Variants in ABLIM2 observed in about 807,000 individuals in gnomAD.
The protein encoded by ABLIM2 is actin binding LIM protein family member 2.
ABLIM2 carries 53 observed loss-of-function variants against 97.7 expected under a neutral mutation model. That is an observed-to-expected ratio of 0.54 (90% CI 0.44 to 0.68). The LOEUF (loss-of-function observed/expected upper bound fraction) is 0.68. Among genes scored for constraint, ABLIM2 ranks in the 30% least tolerant of loss-of-function variants. ABLIM2 has a pLI of 0.00. For synonymous variants in ABLIM2, 361 were observed against 345.8 expected (o/e 1.04, Z -0.49); for missense variants, 835 against 867.2 (o/e 0.96, Z 0.47).
chr4:8,039,186 C>T (rs375327732), intron 9 of ABLIM2, among the ~76,000 whole-genome samples: 1 of 152,206 alleles, frequency 6.6e-6, no homozygotes, highest in South Asian at 2.1e-4. Context: ...AAAAGCCAAT[C>T]AAGCATTTGC....
rs1049332079 is a variant in ABLIM2, at chr4:8,003,432, C to T, written c.1618+4627G>A. Among the ~76,000 whole-genome samples the T allele has an allele frequency of 1.2e-4, 19 of 152,152 alleles. No individual in the cohort carries two copies. Among genetic ancestry groups the T allele is most frequent in the African/African-American group, 4.3e-4 (18 of 41,428 alleles). ...TGGGTACTGAGGTTCGCTTTCTACC[C>T]AATATACATCGCTTTCACGCCAGCG... On this transcript the variant is annotated intron_variant, in intron 16 of 20. Coordinates refer to ENST00000447017, the MANE Select transcript of ABLIM2 (RefSeq NM_001130083.2). The surrounding 1 kb of genome is among the most constrained non-coding windows in gnomAD (Gnocchi z 4.2).
rs370613217 is a variant in ABLIM2, at chr4:8,071,021, G to T, written c.675+6607C>A. Among the ~76,000 whole-genome samples, 66 of 152,252 alleles carry T rather than the reference G, an allele frequency of 4.3e-4. No homozygotes were observed. The highest frequency in any genetic ancestry group is 1.4e-3 in the South Asian group (7 of 4,828). ...GTTGACAGGGCGAGGGAGGGATGGG[G>T]TTCCTGGAAGGTGGGGCTCTGAACA... On this transcript the variant is annotated intron_variant, in intron 6 of 20. Transcript: ENST00000447017. The surrounding 1 kb of genome is among the most constrained non-coding windows in gnomAD (Gnocchi z 6.2).
In ABLIM2 at chr4:8,149,825, C is replaced by T. The variant is rs1276022788; in HGVS notation, c.10+8855G>A. ...CCTCACACTCAGGACTGGCCCTGCG[C>T]CCAGACAGGACGGGGCCTATGGAGT... On this transcript the variant is annotated intron_variant, in intron 1 of 20. Coordinates refer to ENST00000447017, the MANE Select transcript of ABLIM2 (RefSeq NM_001130083.2). This position sits in a 1 kb window ranked among gnomAD's most constrained non-coding sequence, Gnocchi z 6.4. Among the ~76,000 whole-genome samples the T allele has an allele frequency of 8.5e-5, 13 of 152,058 alleles. No individual in the cohort carries two copies. The highest frequency in any genetic ancestry group is 1.8e-4 in the Non-Finnish European group (12 of 68,010).
chr4:8,132,863 G>A lies in ABLIM2; in HGVS notation c.10+25817C>T, dbSNP rs1236857490. 3.9e-5 allele frequency among the ~76,000 whole-genome samples: 6 copies of A among 152,192 alleles called. No individual in the cohort carries two copies. The highest frequency in any genetic ancestry group is 7.2e-5 in the African/African-American group (3 of 41,446). The stretch of plus-strand genomic sequence containing the variant: ...AAGTGTCCAGCCCCTACCCGGGCAC[G>A]TGGTGGGCACTCGGTAATTGGCATC... On this transcript the variant is annotated intron_variant, in intron 1 of 20. Transcript: ENST00000447017. This position sits in a 1 kb window ranked among gnomAD's most constrained non-coding sequence, Gnocchi z 8.0.
In ABLIM2 at chr4:8,122,987, C is replaced by T. The variant is rs1028192785; in HGVS notation, c.11-16350G>A. Among the ~76,000 whole-genome samples the T allele has an allele frequency of 6.6e-6, 1 of 152,114 alleles. No homozygotes were observed. Among genetic ancestry groups the T allele is most frequent in the Non-Finnish European group, 1.5e-5 (1 of 68,016 alleles). On this transcript the variant is annotated intron_variant, in intron 1 of 20. Transcript: ENST00000447017. This position sits in a 1 kb window ranked among gnomAD's most constrained non-coding sequence, Gnocchi z 4.1. ...CAGTGTGGGACGTCTTCCCGGAGGTCGTGCCTGCCTCCCCTGGCGTTCCCA... is the reference window on the plus strand; with the variant it reads ...CAGTGTGGGACGTCTTCCCGGAGGTTGTGCCTGCCTCCCCTGGCGTTCCCA...
intron 1 of ABLIM2, among the ~76,000 whole-genome samples, chr4:8,143,708 G>A (rs1317967956): frequency 6.6e-6 from 1 of 152,156 alleles, no homozygotes; most frequent in Non-Finnish European, 1.5e-5. Context: ...TGCCTTCTTT[G>A]TTGGCTGGGT....
In ABLIM2 at chr4:8,127,510, C is replaced by T. The variant is rs141889874; in HGVS notation, c.11-20873G>A. 1.9e-3 allele frequency: 2,460 copies of T among 1,289,734 alleles called. 6 individuals are homozygous for T. Among genetic ancestry groups the T allele is most frequent in the Non-Finnish European group, 2.2e-3 (2,214 of 988,802 alleles). 79.9% of individuals were successfully genotyped at this position (1,289,734 alleles called of 1,614,324 possible). ...ACTCATGGAGCTCACGGCTCCCAGC[C>T]GGATGGTCTGGGCAAAAGCGCAGTT... On this transcript the variant is annotated intron_variant, in intron 1 of 20. Coordinates refer to ENST00000447017, the MANE Select transcript of ABLIM2 (RefSeq NM_001130083.2). This position sits in a 1 kb window ranked among gnomAD's most constrained non-coding sequence, Gnocchi z 7.3.
chr4:8,142,139 T>C (rs554881761), intron 1 of ABLIM2, among the ~76,000 whole-genome samples: 1 of 152,214 alleles, frequency 6.6e-6, no homozygotes, highest in African/African-American at 2.4e-5. Context: ...ATTCCTGGCA[T>C]AACTAACCCT....
intron 9 of ABLIM2, among the ~76,000 whole-genome samples, chr4:8,039,324 C>T (rs1372058639): frequency 1.3e-5 from 2 of 152,196 alleles, no homozygotes; most frequent in African/African-American, 2.4e-5. Flanking sequence ...GCATAGGGGG[C>T]CGCCTTGCCC....
At chr4:8,093,170 T>G (rs992451517) in intron 3 of ABLIM2, among the ~76,000 whole-genome samples, 29 of 152,184 alleles carry the variant, frequency 1.9e-4, no homozygotes, top group Non-Finnish European at 3.7e-4. Flanking sequence ...TTTTTAACAG[T>G]ATTTTGGGTC....
At chr4:8,114,381 C>T (rs180990753) in intron 1 of ABLIM2, among the ~76,000 whole-genome samples, 98 of 152,322 alleles carry the variant, frequency 6.4e-4, no homozygotes, top group African/African-American at 2.2e-3. Context: ...TTTGCATCCT[C>T]ATGGATCCTG....
chr4:8,061,940 CCT>C lies in ABLIM2; in HGVS notation c.676-888_676-887del, dbSNP rs1325376016. Among the ~76,000 whole-genome samples the C allele has an allele frequency of 6.6e-6, 1 of 152,162 alleles. No individual in the cohort carries two copies. Among genetic ancestry groups the C allele is most frequent in the African/African-American group, 2.4e-5 (1 of 41,432 alleles). ...GGATGAAAACAGCCCCGAGATGGCCCCTGTGTATTGGGAGGAAGAGCCCAGAG... is the reference window on the plus strand; with the variant it reads ...GGATGAAAACAGCCCCGAGATGGCCCGTGTATTGGGAGGAAGAGCCCAGAG... On this transcript the variant is annotated intron_variant, in intron 6 of 20. Coordinates refer to ENST00000447017, the MANE Select transcript of ABLIM2 (RefSeq NM_001130083.2). The surrounding 1 kb of genome is among the most constrained non-coding windows in gnomAD (Gnocchi z 4.5).
At chr4:8,137,578 G>A (rs1850365138) in intron 1 of ABLIM2, among the ~76,000 whole-genome samples, 1 of 152,228 alleles carries the variant, frequency 6.6e-6, no homozygotes, top group Admixed American at 6.5e-5. Context: ...CCGGGCACAG[G>A]CGGTGGTGAA....
At chr4:8,050,322 G>A (rs1483328012) in intron 8 of ABLIM2, among the ~76,000 whole-genome samples, 1 of 152,168 alleles carries the variant, frequency 6.6e-6, no homozygotes, top group Non-Finnish European at 1.5e-5. Flanking sequence ...TCCCCATGGT[G>A]CAGAAGGGGC....
Position 8,025,415 on chromosome 4 carries a change from G to A in ABLIM2, c.1267+2344C>T, listed in dbSNP as rs183166088. On this transcript the variant is annotated intron_variant, in intron 12 of 20. Coordinates refer to ENST00000447017, the MANE Select transcript of ABLIM2 (RefSeq NM_001130083.2). ...GACGGCTTCGGAGCCACATTGTGGT[G>A]GGGGGTGGTGGGTAGGTGGGTAGCC... Among the ~76,000 whole-genome samples, 32 of 152,282 alleles carry A rather than the reference G, an allele frequency of 2.1e-4. No homozygotes were observed. In the East Asian group the frequency reaches 5.6e-3, roughly 27 times the overall value.
At chr4:8,076,462 T>C (rs944757601) in intron 6 of ABLIM2, among the ~76,000 whole-genome samples, 2 of 152,068 alleles carry the variant, frequency 1.3e-5, no homozygotes, top group Admixed American at 1.3e-4. Context: ...AAAACTCCAA[T>C]GTGGCCCAGC....
rs745929577 is a variant in ABLIM2, at chr4:8,001,221, G to A, written c.1618+6838C>T. ...AGCTTCCGGTGTCGGGGCCCAGGCA[G>A]CATTGGAGGAGGACAGAGGAGGCCC... On this transcript the variant is annotated intron_variant, in intron 16 of 20. Coordinates refer to ENST00000447017, the MANE Select transcript of ABLIM2 (RefSeq NM_001130083.2). The surrounding 1 kb of genome is among the most constrained non-coding windows in gnomAD (Gnocchi z 4.2). 2.0e-5 allele frequency among the ~76,000 whole-genome samples: 3 copies of A among 152,204 alleles called. No individual in the cohort carries two copies. Among genetic ancestry groups the A allele is most frequent in the African/African-American group, 7.2e-5 (3 of 41,460 alleles).
intron 16 of ABLIM2, among the ~76,000 whole-genome samples, chr4:7,994,703 A>G (rs1751848473): frequency 9.0e-6 from 1 of 111,622 alleles, no homozygotes; most frequent in South Asian, 3.6e-4. Flanking sequence ...GAACTAGTTT[A>G]CAGTCCCACC....
In ABLIM2 at chr4:7,986,730, T is replaced by A. The variant is rs1218341479; in HGVS notation, c.1681-1837A>T. Reference sequence around the variant, plus strand: ...CTCTGTCAGCCAAGCTGGAGTGCAATGGCGTGATCTCGGCTCAATGCAAAC... The same window carrying A: ...CTCTGTCAGCCAAGCTGGAGTGCAAAGGCGTGATCTCGGCTCAATGCAAAC... On this transcript the variant is annotated intron_variant, in intron 17 of 20. Coordinates refer to ENST00000447017, the MANE Select transcript of ABLIM2 (RefSeq NM_001130083.2). This position sits in a 1 kb window ranked among gnomAD's most constrained non-coding sequence, Gnocchi z 4.3. Among the ~76,000 whole-genome samples the A allele has an allele frequency of 6.6e-6, 1 of 152,142 alleles. No homozygotes were observed. Among genetic ancestry groups the A allele is most frequent in the African/African-American group, 2.4e-5 (1 of 41,424 alleles).
Sources: allele counts gnomAD v4.1 joint callset (sites outside exome capture counted in the v4.1 genomes callset), GRCh38; gene constraint gnomAD v4.1.1; non-coding constraint Gnocchi (gnomAD v3.1); transcripts MANE v1.5; gene names NCBI Gene and HGNC (gene_info 2026-07-23, HGNC 2026-07-21).